The following KRR1 variants were observed in gnomAD, a reference collection of about 807,000 sequenced individuals.
The protein encoded by KRR1 is KRR1 small subunit processome component, also known as KRR1 small subunit processome component homolog.
KRR1 carries 23 observed loss-of-function variants against 50.0 expected under a neutral mutation model. The ratio of observed to expected loss-of-function variants is 0.46; its 90% confidence interval spans 0.33 to 0.65. The LOEUF (loss-of-function observed/expected upper bound fraction) is 0.65. Ranked by LOEUF, KRR1 falls within the 30% of genes least tolerant of loss-of-function variation. The pLI, the probability that KRR1 is intolerant of heterozygous loss-of-function variation, is 0.02. For missense variants in KRR1, 419 were observed against 442.4 expected, an observed-to-expected ratio of 0.95 and a Z score of 0.47; for synonymous variants, 133 against 146.3, an observed-to-expected ratio of 0.91 and a Z score of 0.66.
In KRR1 at chr12:75,494,792, T is replaced by G. The variant is rs1207096373; in HGVS notation, c.*5017A>C. 1 of 152,204 alleles carries G rather than the reference T, an allele frequency of 6.6e-6. No homozygotes were observed. The highest frequency in any genetic ancestry group is 1.5e-5 in the Non-Finnish European group (1 of 68,028). 9.4% of individuals were successfully genotyped at this position (152,204 alleles called of 1,614,324 possible). A position where few individuals can be genotyped will look rare whatever the true frequency, so the allele number is the denominator to read the frequency against. ...TACTATGAGGATATTTATGGGGATA[T>G]AAAATGCTTGGATATTATTTCACTT... On this transcript the variant is annotated 3_prime_UTR_variant, in exon 10 of 10. Transcript: ENST00000229214.
chr12:75,498,983 A>AT lies in KRR1; in HGVS notation c.*825dup, dbSNP rs781052560. On this transcript the variant is annotated 3_prime_UTR_variant, in exon 10 of 10. Coordinates refer to ENST00000229214, the MANE Select transcript of KRR1 (RefSeq NM_007043.7). ...AATTTAGTTCTTTTGGACTAATACA[A>AT]TTCAGGAAAGAAAAAACCCAAAAAC... The AT allele has an allele frequency of 2.6e-6, 4 of 1,545,630 alleles. No homozygotes were observed. The highest frequency in any genetic ancestry group is 2.2e-5 in the Admixed American group (1 of 46,166).
Position 75,499,699 on chromosome 12 carries a change from A to T in KRR1, c.*110T>A. 1 of 94,682 alleles carries T rather than the reference A, an allele frequency of 1.1e-5. No homozygotes were observed. 5.9% of individuals were successfully genotyped at this position (94,682 alleles called of 1,614,324 possible). On this transcript the variant is annotated 3_prime_UTR_variant, in exon 10 of 10. Transcript: ENST00000229214. ...TCTTCTATGAACAACCACCACCACC[A>T]AAAAAAAAAAAAGCCCTCAGAAAAT...
rs1380250266 is a variant in KRR1 at position 75,498,000 on chromosome 12, G to C, written c.*1809C>G. 1.3e-5 allele frequency: 2 copies of C among 152,222 alleles called. No individual in the cohort carries two copies. The highest frequency in any genetic ancestry group is 4.8e-5 in the African/African-American group (2 of 41,446). 9.4% of individuals were successfully genotyped at this position (152,222 alleles called of 1,614,324 possible). A position where few individuals can be genotyped will look rare whatever the true frequency, so the allele number is the denominator to read the frequency against. On this transcript the variant is annotated 3_prime_UTR_variant, in exon 10 of 10. Transcript: ENST00000229214. ...TAATTCACCACAAAGCCCACTCACA[G>C]GTATGAAGACCAGGGATGCTCACCA...
chr12:75,507,062 A>G, intron 2 of KRR1, 146 bp from the exon 3 acceptor site: 1 of 610,798 alleles, frequency 1.6e-6, no homozygotes, highest in Non-Finnish European at 2.7e-6. Context: ...AGTTAAGTAT[A>G]AATAATGAAT....
intron 7 of KRR1, chr12:75,503,324 A>T (rs577714686): frequency 6.6e-6 from 1 of 152,330 alleles, no homozygotes; most frequent in Non-Finnish European, 1.5e-5. Context: ...CTCTAACTTA[A>T]TTTGGTAGCC....
chr12:75,495,987 TTC>T lies in KRR1; in HGVS notation c.*3820_*3821del, dbSNP rs2046348232. The T allele has an allele frequency of 5.6e-6, 1 of 178,702 alleles. No homozygotes were observed. Among genetic ancestry groups the T allele is most frequent in the African/African-American group, 2.4e-5 (1 of 41,662 alleles). The allele number at this position is 178,702 out of a possible 1,614,324, so 11.1% of individuals were successfully genotyped here. A position where few individuals can be genotyped will look rare whatever the true frequency, so the allele number is the denominator to read the frequency against. Reference sequence around the variant, plus strand: ...TAACAGGTCATCCAAACAAACAGAATTCTGTTTTCGTTTTTTTTTTTGTTTTT... The same window carrying T: ...TAACAGGTCATCCAAACAAACAGAATTGTTTTCGTTTTTTTTTTTGTTTTT... On this transcript the variant is annotated 3_prime_UTR_variant, in exon 10 of 10. Coordinates refer to ENST00000229214, the MANE Select transcript of KRR1 (RefSeq NM_007043.7).
At chr12:75,508,222 C>A in intron 2 of KRR1, 52 bp downstream of exon 2, 6 of 1,318,560 alleles carry the variant, frequency 4.6e-6, no homozygotes, top group South Asian at 3.0e-5. Flanking sequence ...CATTTAAAGG[C>A]ATAAGCAAGA....
At position 75,499,317 on chromosome 12, in the gene KRR1, T is replaced by G. The variant is rs2046373758; in HGVS notation, c.*492A>C. 5.7e-6 allele frequency: 1 copy of G among 175,034 alleles called. No homozygotes were observed. Among genetic ancestry groups the G allele is most frequent in the African/African-American group, 2.4e-5 (1 of 42,456 alleles). 10.8% of individuals were successfully genotyped at this position (175,034 alleles called of 1,614,324 possible). On this transcript the variant is annotated 3_prime_UTR_variant, in exon 10 of 10. Coordinates refer to ENST00000229214, the MANE Select transcript of KRR1 (RefSeq NM_007043.7). Reference sequence around the variant, plus strand: ...AGCCTTCATTAGTTAAAAACATTATTATTTTTTGCATGCTGCTTCGACTCT... The same window carrying G: ...AGCCTTCATTAGTTAAAAACATTATGATTTTTTGCATGCTGCTTCGACTCT...
At chr12:75,508,743 GCAGATAGTGAGTA>G (rs1406458621) in intron 1 of KRR1, among the ~76,000 whole-genome samples, 2 of 152,336 alleles carry the variant, frequency 1.3e-5, no homozygotes, top group Non-Finnish European at 2.9e-5. Context: ...CATATGCCAG[GCAGATAGTGAGTA>G]CTCCAGAAAC....
chr12:75,500,012 A>C, intron 9 of KRR1, 61 bp from the exon 10 acceptor site: 3 of 1,312,778 alleles, frequency 2.3e-6, no homozygotes, highest in East Asian at 2.5e-5. Flanking sequence ...AAAACAAAGA[A>C]TATATGTTTA....
rs1421023230 is a variant in KRR1 at position 75,491,379 on chromosome 12, C to G, written c.*8430G>C. 6.6e-6 allele frequency: 1 copy of G among 152,176 alleles called. No individual in the cohort carries two copies. Among genetic ancestry groups the G allele is most frequent in the African/African-American group, 2.4e-5 (1 of 41,446 alleles). The allele number at this position is 152,176 out of a possible 1,614,324, so 9.4% of individuals were successfully genotyped here. A position where few individuals can be genotyped will look rare whatever the true frequency, so the allele number is the denominator to read the frequency against. On this transcript the variant is annotated 3_prime_UTR_variant, in exon 10 of 10. Coordinates refer to ENST00000229214, the MANE Select transcript of KRR1 (RefSeq NM_007043.7). ...CACTGATGGACTTTGATCTGGCTGT[C>G]TAGCTCCAGAGTCCATGCTCTTGAT...
chr12:75,492,648 G>A lies in KRR1; in HGVS notation c.*7161C>T, dbSNP rs2046329950. The A allele has an allele frequency of 6.6e-6, 1 of 152,108 alleles. No individual in the cohort carries two copies. The highest frequency in any genetic ancestry group is 1.5e-5 in the Non-Finnish European group (1 of 68,014). 9.4% of individuals were successfully genotyped at this position (152,108 alleles called of 1,614,324 possible). A position where few individuals can be genotyped will look rare whatever the true frequency, so the allele number is the denominator to read the frequency against. On this transcript the variant is annotated 3_prime_UTR_variant, in exon 10 of 10. Transcript: ENST00000229214. Reference sequence around the variant, plus strand: ...TGGTTTAGACTCACTTATCTTCAGAGTTATAAACAATATTAAATTATAAAA... The same window carrying A: ...TGGTTTAGACTCACTTATCTTCAGAATTATAAACAATATTAAATTATAAAA...
chr12:75,510,549 T>C (rs1447037719), intron 1 of KRR1, among the ~76,000 whole-genome samples: 1 of 152,174 alleles, frequency 6.6e-6, no homozygotes, highest in African/African-American at 2.4e-5. Flanking sequence ...CTTTCATGTA[T>C]ATAAAATTAA....
chr12:75,498,866 G>GTAACAGATACACTTCTCTCTTTC lies in KRR1; in HGVS notation c.*920_*942dup. ...TATCCAGGCTGGCCCATATATCCAC[G>GTAACAGATACACTTCTCTCTTTC]TAACAGATACACTTCTCTCTTTCTC... On this transcript the variant is annotated 3_prime_UTR_variant, in exon 10 of 10. Transcript: ENST00000229214. 1 of 1,611,020 alleles carries GTAACAGATACACTTCTCTCTTTC rather than the reference G, an allele frequency of 6.2e-7. No individual in the cohort carries two copies. The highest frequency in any genetic ancestry group is 8.5e-7 in the Non-Finnish European group (1 of 1,177,652).
Position 75,501,777 on chromosome 12 carries a change from T to C in KRR1, c.949A>G (p.Arg317Gly). Residue 317 changes from arginine (R) to glycine (G), a missense_variant, in exon 9 of 10, where the codon AGA (arginine) becomes GGA (glycine). Coordinates refer to ENST00000229214, the MANE Select transcript of KRR1 (RefSeq NM_007043.7). ...TTAGGTGGAATAAATGCTTTGTTTCTTTCCTCTTGTCTCTTACTGATGGCT... is the reference window on the plus strand; with the variant it reads ...TTAGGTGGAATAAATGCTTTGTTTCCTTCCTCTTGTCTCTTACTGATGGCT... The part of the protein sequence containing the change: ...AEAISKRQEE[R>G]NKAFIPPKEK... 1 of 1,611,120 alleles carries C rather than the reference T, an allele frequency of 6.2e-7. No homozygotes were observed. The highest frequency in any genetic ancestry group is 8.5e-7 in the Non-Finnish European group (1 of 1,178,420).
chr12:75,497,004 G>A lies in KRR1; in HGVS notation c.*2805C>T, dbSNP rs530896228. 6.6e-6 allele frequency: 1 copy of A among 152,236 alleles called. No individual in the cohort carries two copies. Among genetic ancestry groups the A allele is most frequent in the African/African-American group, 2.4e-5 (1 of 41,540 alleles). The allele number at this position is 152,236 out of a possible 1,614,324, so 9.4% of individuals were successfully genotyped here. On this transcript the variant is annotated 3_prime_UTR_variant, in exon 10 of 10. Transcript: ENST00000229214. Reference sequence around the variant, plus strand: ...ATATCAAGGTATCAATGTATTCACTGAATTCTTCCTTTCACTCACTCTTCA... The same window carrying A: ...ATATCAAGGTATCAATGTATTCACTAAATTCTTCCTTTCACTCACTCTTCA...
rs188040255 is a variant in KRR1, at chr12:75,498,249, G to A, written c.*1560C>T. ...TGACTTGATAGCCAAACATCGTAAT[G>A]ATGATTTAGTGATATACTAGACTGG... On this transcript the variant is annotated 3_prime_UTR_variant, in exon 10 of 10. Coordinates refer to ENST00000229214, the MANE Select transcript of KRR1 (RefSeq NM_007043.7). 6.5e-6 allele frequency: 1 copy of A among 152,816 alleles called. No homozygotes were observed. The highest frequency in any genetic ancestry group is 1.5e-5 in the Non-Finnish European group (1 of 68,428). 9.5% of individuals were successfully genotyped at this position (152,816 alleles called of 1,614,324 possible).
chr12:75,509,116 G>GA (rs1594070809), intron 1 of KRR1, among the ~76,000 whole-genome samples: 2 of 152,180 alleles, frequency 1.3e-5, no homozygotes, highest in East Asian at 3.9e-4. Context: ...TTCACTACAA[G>GA]AAAATGCCTC....
chr12:75,500,043 G>A, intron 9 of KRR1, 92 bp from the exon 10 acceptor site: 2 of 960,942 alleles, frequency 2.1e-6, no homozygotes, highest in South Asian at 3.3e-5. Context: ...TATGTTTAAG[G>A]CAGTTAACTT....
Sources: allele counts gnomAD v4.1 joint callset (sites outside exome capture counted in the v4.1 genomes callset), GRCh38; gene constraint gnomAD v4.1.1; transcripts MANE v1.5; gene names NCBI Gene and HGNC (gene_info 2026-07-23, HGNC 2026-07-21).